NAV2: variants seen among roughly 807,000 people sequenced by gnomAD.
NAV2 encodes the protein neuron navigator 2.
NAV2 carries 54 observed loss-of-function variants against 223.2 expected under a neutral mutation model. That is an observed-to-expected ratio of 0.24 (90% CI 0.19 to 0.30). The LOEUF (loss-of-function observed/expected upper bound fraction) is 0.30, where lower values mean the gene tolerates loss of function less well. Among genes scored for constraint, NAV2 ranks in the 10% least tolerant of loss-of-function variants. The pLI, the probability that NAV2 is intolerant of heterozygous loss-of-function variation, is 1.00. For synonymous variants in NAV2, 1,279 were observed against 1,239.3 expected, an observed-to-expected ratio of 1.03 and a Z score of -0.67; for missense variants, 2,806 against 3,147.5, an observed-to-expected ratio of 0.89 and a Z score of 2.60.
At chr11:20,065,231 G>A (rs2058970306) in intron 20 of NAV2, among the ~76,000 whole-genome samples, 1 of 152,188 alleles carries the variant, frequency 6.6e-6, no homozygotes, top group African/African-American at 2.4e-5. Context: ...GGTGAATAAA[G>A]TATTTGTTTG....
At chr11:19,772,640 C>A (rs2152600253) in intron 1 of NAV2, among the ~76,000 whole-genome samples, 1 of 152,300 alleles carries the variant, frequency 6.6e-6, no homozygotes, top group East Asian at 1.9e-4. Flanking sequence ...TTCCCTCCTC[C>A]CCATGGGGTG....
At chr11:19,946,581 T>A in intron 9 of NAV2, 72 bp downstream of exon 9, 1 of 1,300,898 alleles carries the variant, frequency 7.7e-7, no homozygotes, top group African/African-American at 1.5e-5. Flanking sequence ...TTCATAGCAG[T>A]AGCAAAGCGA....
intron 1 of NAV2, among the ~76,000 whole-genome samples, chr11:19,376,648 A>G (rs533844924): frequency 1.1e-4 from 17 of 152,236 alleles, no homozygotes; most frequent in South Asian, 4.1e-4. Flanking sequence ...TGAAAGATCT[A>G]CTATATACCA....
In NAV2 at chr11:19,617,256, T is replaced by C. The variant is rs1195775815; in HGVS notation, c.76-215228T>C. On this transcript the variant is annotated intron_variant, in intron 1 of 37. Coordinates refer to the NAV2 transcript ENST00000360655. Reference sequence around the variant, plus strand: ...TGGTTTCTTTTAGCTTCCTATAACTTGAGGGTAATTTCTCATGCCCTAGTT... The same window carrying C: ...TGGTTTCTTTTAGCTTCCTATAACTCGAGGGTAATTTCTCATGCCCTAGTT... Among the ~76,000 whole-genome samples the C allele has an allele frequency of 3.3e-5, 5 of 152,276 alleles. No homozygotes were observed. The South Asian group carries it at 8.3e-4, about 25-fold the overall frequency.
intron 1 of NAV2, among the ~76,000 whole-genome samples, chr11:19,812,923 C>G (rs984012283): frequency 5.3e-5 from 8 of 152,168 alleles, no homozygotes; most frequent in Non-Finnish European, 1.2e-4. Flanking sequence ...AGGCCCCTAT[C>G]TCTGAGCTTG....
chr11:19,728,838 T>C (rs1268413648), intron 1 of NAV2, among the ~76,000 whole-genome samples: 1 of 152,250 alleles, frequency 6.6e-6, no homozygotes, highest in Non-Finnish European at 1.5e-5. Flanking sequence ...GGCAGTGCTC[T>C]ATTATATTAG....
At chr11:19,350,799 A>G in exon 1 of NAV2, 4 of 699,260 alleles carry the variant, frequency 5.7e-6, no homozygotes, top group Non-Finnish European at 9.9e-6. Flanking sequence ...GGATTTTAAG[A>G]AGACAGGAAG....
At chr11:19,897,038 G>A (rs1271918763) in intron 6 of NAV2, among the ~76,000 whole-genome samples, 3 of 152,012 alleles carry the variant, frequency 2.0e-5, no homozygotes, top group African/African-American at 2.4e-5. Context: ...ATACACCATG[G>A]AATACTATGC....
At chr11:19,726,732 C>T (rs940215968) in intron 1 of NAV2, among the ~76,000 whole-genome samples, 1 of 152,190 alleles carries the variant, frequency 6.6e-6, no homozygotes, top group Non-Finnish European at 1.5e-5. Flanking sequence ...AATGGCATCA[C>T]CTGGAAGCTT....
chr11:19,651,535 C>A (rs983459946), intron 1 of NAV2, among the ~76,000 whole-genome samples: 4 of 152,152 alleles, frequency 2.6e-5, no homozygotes, highest in Non-Finnish European at 4.4e-5. Flanking sequence ...TCAGACCATG[C>A]CTTGGGTTGG....
rs765632685 is a variant in NAV2 at position 19,935,851 on chromosome 11, G to GTTT, written c.2033+1596_2033+1598dup. ...ACGGCTTTTGTTTTGTTTTGTTTCT[G>GTTT]TTTTTTTTTTTTTTTTTTTTTTTTG... On this transcript the variant is annotated intron_variant, in intron 7 of 37. Transcript: ENST00000349880. 3.7e-3 allele frequency among the ~76,000 whole-genome samples: 195 copies of GTTT among 52,704 alleles called. 2 individuals are homozygous for GTTT. The highest frequency in any genetic ancestry group is 8.3e-3 in the African/African-American group (113 of 13,618). 34.6% of individuals were successfully genotyped at this position (52,704 alleles called of 152,430 possible). A position where few individuals can be genotyped will look rare whatever the true frequency, so the allele number is the denominator to read the frequency against.
chr11:19,979,935 T>C (rs1015769416), intron 10 of NAV2, among the ~76,000 whole-genome samples: 1 of 152,204 alleles, frequency 6.6e-6, no homozygotes, highest in Admixed American at 6.5e-5. Context: ...GAGATGACAA[T>C]AACACTTGAT....
At chr11:19,589,588 A>G (rs1207974186) in intron 1 of NAV2, among the ~76,000 whole-genome samples, 1 of 152,226 alleles carries the variant, frequency 6.6e-6, no homozygotes, top group Non-Finnish European at 1.5e-5. Context: ...TATCCACAAT[A>G]GCAAGAGCAT....
chr11:19,788,928 A>G (rs1713884664), intron 1 of NAV2, among the ~76,000 whole-genome samples: 1 of 152,194 alleles, frequency 6.6e-6, no homozygotes, highest in African/African-American at 2.4e-5. Flanking sequence ...CCCTCATTTT[A>G]TCCCTTCATA....
intron 1 of NAV2, among the ~76,000 whole-genome samples, chr11:19,646,622 G>A (rs1416165080): frequency 1.3e-5 from 2 of 152,112 alleles, no homozygotes; most frequent in Non-Finnish European, 2.9e-5. Context: ...CCCAGGGTGT[G>A]GGGATGTTGG....
chr11:19,701,196 A>C lies in NAV2; in HGVS notation c.76-131288A>C, dbSNP rs528989714. ...AAAGGAACCTGATAATAAACTATCTAAGGGGTTGGGGGTTGGTGGGGGGTC... is the reference window on the plus strand; with the variant it reads ...AAAGGAACCTGATAATAAACTATCTCAGGGGTTGGGGGTTGGTGGGGGGTC... On this transcript the variant is annotated intron_variant, in intron 1 of 37. Transcript: ENST00000360655. 2.1e-4 allele frequency among the ~76,000 whole-genome samples: 32 copies of C among 152,206 alleles called. No homozygotes were observed. The South Asian group carries it at 6.7e-3, about 32-fold the overall frequency.
chr11:19,519,137 T>TAAC (rs1449672389), intron 1 of NAV2, among the ~76,000 whole-genome samples: 1 of 151,884 alleles, frequency 6.6e-6, no homozygotes, highest in Non-Finnish European at 1.5e-5. Context: ...TAAGCAATAT[T>TAAC]AACAACAATA....
At position 19,380,307 on chromosome 11, in the gene NAV2, G is replaced by A. The variant is rs75357718; in HGVS notation, c.75+29280G>A. Among the ~76,000 whole-genome samples the A allele has an allele frequency of 8.5e-3, 1,293 of 152,322 alleles. 19 individuals carry two copies. Among genetic ancestry groups the A allele is most frequent in the African/African-American group, 0.03 (1,231 of 41,574 alleles). On this transcript the variant is annotated intron_variant, in intron 1 of 37. Coordinates refer to the NAV2 transcript ENST00000360655. ...TATTGAATTTCCTTAGGCCACTGCTGTTCCCTTGCATTAGATATTTCATCC... is the reference window on the plus strand; with the variant it reads ...TATTGAATTTCCTTAGGCCACTGCTATTCCCTTGCATTAGATATTTCATCC...
intron 1 of NAV2, among the ~76,000 whole-genome samples, chr11:19,767,579 C>A (rs1467731459): frequency 6.6e-6 from 1 of 152,102 alleles, no homozygotes; most frequent in African/African-American, 2.4e-5. Flanking sequence ...GCAATAATAC[C>A]AATAGGAACA....
Sources: allele counts gnomAD v4.1 joint callset (sites outside exome capture counted in the v4.1 genomes callset), GRCh38; gene constraint gnomAD v4.1.1; transcripts MANE v1.5; gene names NCBI Gene and HGNC (gene_info 2026-07-23, HGNC 2026-07-21).